The following RNF2 variants were observed in gnomAD, a reference collection of about 807,000 sequenced individuals.
RNF2 encodes ring finger protein 2.
Under a neutral mutation model 37.2 loss-of-function variants are expected in RNF2, and 6 were observed. The ratio of observed to expected loss-of-function variants is 0.16; its 90% confidence interval spans 0.09 to 0.32. The LOEUF (loss-of-function observed/expected upper bound fraction) is 0.32. RNF2 is among the 10% of genes least tolerant of loss of function. The pLI is 1.00. For synonymous variants in RNF2, 133 were observed against 132.7 expected (o/e 1.00, Z -0.02); for missense variants, 251 against 404.0 (o/e 0.62, Z 3.25).
intron 1 of RNF2, chr1:185,046,382 A>C (rs1246549544): frequency 6.6e-6 from 1 of 152,176 alleles, no homozygotes; most frequent in Non-Finnish European, 1.5e-5. Context: ...CGTGTCGTTT[A>C]CGCTGAGATG....
chr1:185,081,213 G>A (rs1387794524), intron 1 of RNF2, among the ~76,000 whole-genome samples: 2 of 152,150 alleles, frequency 1.3e-5, no homozygotes, highest in Non-Finnish European at 2.9e-5. Flanking sequence ...GTTTATTCCT[G>A]TAGTGTAAAA....
chr1:185,073,529 A>G (rs1017813177), intron 1 of RNF2, among the ~76,000 whole-genome samples: 5 of 152,150 alleles, frequency 3.3e-5, no homozygotes, highest in African/African-American at 9.7e-5. Context: ...TATTTTTCAG[A>G]TACTGTCTTT....
chr1:185,083,910 CTT>C (rs765301806), intron 1 of RNF2, among the ~76,000 whole-genome samples: 4 of 121,352 alleles, frequency 3.3e-5, no homozygotes, highest in Non-Finnish European at 1.7e-5. Flanking sequence ...CCTGGCCTAC[CTT>C]TTTTTTTTTT....
intron 5 of RNF2, among the ~76,000 whole-genome samples, chr1:185,099,450 C>T (rs1366941126): frequency 6.6e-6 from 1 of 152,162 alleles, no homozygotes; most frequent in Non-Finnish European, 1.5e-5. Context: ...CCAGCAGATT[C>T]TGGTCATTAG....
intron 1 of RNF2, among the ~76,000 whole-genome samples, chr1:185,063,350 G>A (rs188257364): frequency 6.6e-6 from 1 of 152,250 alleles, no homozygotes; most frequent in East Asian, 1.9e-4. Flanking sequence ...TGCAACCTTG[G>A]TATCAGAATT....
At chr1:185,073,242 G>C (rs1651042191) in intron 1 of RNF2, among the ~76,000 whole-genome samples, 1 of 152,004 alleles carries the variant, frequency 6.6e-6, no homozygotes, top group East Asian at 1.9e-4. Flanking sequence ...TTATGCATAT[G>C]CTTATTCTAT....
rs71101959 is a variant in RNF2, at chr1:185,076,268, G to GTTTTTTTTTTT, written c.-2-11254_-2-11244dup. On this transcript the variant is annotated intron_variant, in intron 1 of 6. Transcript: ENST00000367510. ...TTTTCTTCTAGATCTTTTATGGGTT[G>GTTTTTTTTTTT]TTTTTTTTTTTTTTTTTTTTTTTTT... 4.6e-3 allele frequency among the ~76,000 whole-genome samples: 125 copies of GTTTTTTTTTTT among 27,346 alleles called. 48 individuals carry two copies. The highest frequency in any genetic ancestry group is 7.3e-3 in the Non-Finnish European group (96 of 13,182). The allele number at this position is 27,346 out of a possible 152,430, so 17.9% of individuals were successfully genotyped here. A position where few individuals can be genotyped will look rare whatever the true frequency, so the allele number is the denominator to read the frequency against.
chr1:185,083,249 A>G (rs1260849972), intron 1 of RNF2, among the ~76,000 whole-genome samples: 3 of 152,178 alleles, frequency 2.0e-5, no homozygotes, highest in African/African-American at 4.8e-5. Flanking sequence ...AGCTAGATTT[A>G]TTCGAAGGAT....
intron 1 of RNF2, among the ~76,000 whole-genome samples, chr1:185,054,298 G>A (rs1352938062): frequency 6.6e-6 from 1 of 152,210 alleles, no homozygotes; most frequent in Non-Finnish European, 1.5e-5. Flanking sequence ...TTACAGGTAA[G>A]GAAATGGCGG....
At chr1:185,062,418 CT>C (rs1650634409) in intron 1 of RNF2, among the ~76,000 whole-genome samples, 1 of 151,920 alleles carries the variant, frequency 6.6e-6, no homozygotes, top group Non-Finnish European at 1.5e-5. Flanking sequence ...CTTTTCCCAT[CT>C]TTGTCATGAA....
chr1:185,049,695 G>T (rs796067286), intron 1 of RNF2, among the ~76,000 whole-genome samples: 1 of 151,592 alleles, frequency 6.6e-6, no homozygotes, highest in African/African-American at 2.4e-5. Flanking sequence ...GGGGGAGGGG[G>T]GAACATTACA....
chr1:185,072,728 C>T (rs1022846534), intron 1 of RNF2, among the ~76,000 whole-genome samples: 6 of 152,098 alleles, frequency 3.9e-5, no homozygotes, highest in Non-Finnish European at 5.9e-5. Context: ...ATCATGAGGT[C>T]AGGAGATCGA....
At chr1:185,098,673 T>C (rs2057222) in intron 5 of RNF2, among the ~76,000 whole-genome samples, 71,428 of 152,136 alleles carry the variant, frequency 0.47, 18,690 homozygotes, top group African/African-American at 0.72. Flanking sequence ...AGCACACTGC[T>C]TGCTGTTGAG....
In RNF2 at chr1:185,061,305, T is replaced by A. The variant is rs561109761; in HGVS notation, c.-3+15656T>A. Among the ~76,000 whole-genome samples the A allele has an allele frequency of 3.9e-5, 6 of 151,938 alleles. No individual in the cohort carries two copies. The East Asian group carries it at 1.2e-3, about 29-fold the overall frequency. On this transcript the variant is annotated intron_variant, in intron 1 of 6. Coordinates refer to ENST00000367510, the MANE Select transcript of RNF2 (RefSeq NM_007212.4). ...ACCATGCCCGGCTAATTTTTTGTAT[T>A]TTTAGTAGAGACGGGGTTTCACCAT...
chr1:185,073,576 G>A (rs1394368760), intron 1 of RNF2, among the ~76,000 whole-genome samples: 1 of 152,104 alleles, frequency 6.6e-6, no homozygotes, highest in Non-Finnish European at 1.5e-5. Flanking sequence ...TTTTTTAAAA[G>A]GACACATAAA....
At chr1:185,048,200 G>A (rs1650172059) in intron 1 of RNF2, among the ~76,000 whole-genome samples, 1 of 152,194 alleles carries the variant, frequency 6.6e-6, no homozygotes, top group African/African-American at 2.4e-5. Flanking sequence ...GTGTTGCCAG[G>A]CAGGAGCTAG....
At chr1:185,081,670 G>A (rs1303461717) in intron 1 of RNF2, among the ~76,000 whole-genome samples, 1 of 151,880 alleles carries the variant, frequency 6.6e-6, no homozygotes, top group Non-Finnish European at 1.5e-5. Flanking sequence ...CCAACCTCCC[G>A]AAGTGCTGGG....
chr1:185,100,146 T>C (rs1652036882), intron 6 of RNF2, 54 bp from the exon 7 acceptor site: 1 of 1,394,678 alleles, frequency 7.2e-7, no homozygotes, highest in Admixed American at 2.2e-5. Flanking sequence ...TTTCATTTCA[T>C]TATTATTGTG....
chr1:185,078,555 ATTCT>A (rs1651244227), intron 1 of RNF2, among the ~76,000 whole-genome samples: 1 of 152,128 alleles, frequency 6.6e-6, no homozygotes, highest in Non-Finnish European at 1.5e-5. Flanking sequence ...GTAAGCAGTA[ATTCT>A]TTCTGAGTGA....
Sources: gnomAD v4.1 joint callset for allele counts (sites outside exome capture counted in the v4.1 genomes callset) on GRCh38, gnomAD v4.1.1 for gene constraint, MANE v1.5 for transcripts, NCBI Gene and HGNC (gene_info 2026-07-23, HGNC 2026-07-21) for gene names.